Variants in GRM4 observed in about 807,000 individuals in gnomAD.
The protein encoded by GRM4 is glutamate metabotropic receptor 4, also known as metabotropic glutamate receptor 4.
A neutral mutation model predicts 81.7 loss-of-function variants in GRM4; 28 were observed. The observed-to-expected ratio is 0.34, with a 90% CI of 0.25 to 0.47. The LOEUF is 0.47. Among genes scored for constraint, GRM4 ranks in the 20% least tolerant of loss-of-function variants. The pLI, the probability that GRM4 is intolerant of heterozygous loss-of-function variation, is 1.00. For missense variants in GRM4, 948 were observed against 1,290.0 expected (o/e 0.73, Z 4.06); for synonymous variants, 488 against 528.8 (o/e 0.92, Z 1.06).
intron 4 of GRM4, chr6:34,060,232 TG>T (rs1344304321): frequency 6.6e-6 from 1 of 152,000 alleles, no homozygotes; most frequent in Admixed American, 6.5e-5. Flanking sequence ...CTCTGCTCAC[TG>T]GTGTAGCCCC....
chr6:34,104,888 G>A lies in GRM4; in HGVS notation c.520-12789C>T, dbSNP rs574493114. 3.3e-5 allele frequency among the ~76,000 whole-genome samples: 5 copies of A among 152,278 alleles called. No individual in the cohort carries two copies. The South Asian group carries it at 6.2e-4, about 19-fold the overall frequency. On this transcript the variant is annotated intron_variant, in intron 2 of 10. Transcript: ENST00000538487. ...TCCAAAAGCCCGTTCTGCAAAAGCC[G>A]ACAATCCTCACACAGGCCGTGGGAG...
Position 34,059,026 on chromosome 6 carries a change from C to T in GRM4, c.975G>A (p.Glu325=), listed in dbSNP as rs372236861. ...TCGTGACAGCACCCTCAGCCACCTCCTCCAGGTGCAGCACAGGTGCAATCT... is the reference window on the plus strand; with the variant it reads ...TCGTGACAGCACCCTCAGCCACCTCTTCCAGGTGCAGCACAGGTGCAATCT... ...GSKIAPVLHL[E]EVAEGAVTIL... Residue 325 remains glutamate (E), a synonymous_variant, in exon 5 of 11, where the codon GAG becomes GAA. Coordinates refer to ENST00000538487, the MANE Select transcript of GRM4 (RefSeq NM_000841.4). The surrounding 1 kb of genome is among the most constrained non-coding windows in gnomAD (Gnocchi z 5.7). 3 of 1,613,724 alleles carry T rather than the reference C, an allele frequency of 1.9e-6. No homozygotes were observed. The highest frequency in any genetic ancestry group is 2.2e-5 in the South Asian group (2 of 91,052).
intron 2 of GRM4, among the ~76,000 whole-genome samples, chr6:34,109,179 T>C (rs1769261137): frequency 6.6e-6 from 1 of 152,116 alleles, no homozygotes; most frequent in Non-Finnish European, 1.5e-5. Flanking sequence ...CACCAGCACA[T>C]CTGGGTCCTG....
chr6:34,102,031 A>AC, intron 2 of GRM4: 1 of 1,535,010 alleles, frequency 6.5e-7, no homozygotes, highest in Non-Finnish European at 8.7e-7. Context: ...CCTGTCCTCC[A>AC]CCCCCAAAGC....
chr6:34,082,848 C>T (rs1767676676), intron 3 of GRM4, among the ~76,000 whole-genome samples: 1 of 152,210 alleles, frequency 6.6e-6, no homozygotes, highest in Non-Finnish European at 1.5e-5. Flanking sequence ...CAGCACAACT[C>T]ATGATGGCAG....
rs1452726282 is a variant in GRM4 at position 34,022,174 on chromosome 6, T to C, written c.*647A>G. 2 of 153,912 alleles carry C rather than the reference T, an allele frequency of 1.3e-5. No individual in the cohort carries two copies. Among genetic ancestry groups the C allele is most frequent in the African/African-American group, 4.8e-5 (2 of 41,426 alleles). 9.5% of individuals were successfully genotyped at this position (153,912 alleles called of 1,614,324 possible). A position where few individuals can be genotyped will look rare whatever the true frequency, so the allele number is the denominator to read the frequency against. Reference sequence around the variant, plus strand: ...TTTTGTGTTTTGATTTTTTTTCCTTTTTTCTCTTTTGCAACATGTAAGGTT... The same window carrying C: ...TTTTGTGTTTTGATTTTTTTTCCTTCTTTCTCTTTTGCAACATGTAAGGTT... On this transcript the variant is annotated 3_prime_UTR_variant, in exon 11 of 11. Coordinates refer to ENST00000538487, the MANE Select transcript of GRM4 (RefSeq NM_000841.4). The surrounding 1 kb of genome is among the most constrained non-coding windows in gnomAD (Gnocchi z 5.6).
At chr6:34,049,838 G>C (rs201347179) in intron 6 of GRM4, among the ~76,000 whole-genome samples, 1 of 151,634 alleles carries the variant, frequency 6.6e-6, no homozygotes, top group African/African-American at 2.4e-5. Context: ...ACCACCACCC[G>C]CCCCAGGCCC....
At position 34,133,651 on chromosome 6, in the gene GRM4, C is replaced by T; in HGVS notation, c.-155G>A. 1 of 1,420,252 alleles carries T rather than the reference C, an allele frequency of 7.0e-7. No individual in the cohort carries two copies. The highest frequency in any genetic ancestry group is 9.1e-7 in the Non-Finnish European group (1 of 1,092,986). 88.0% of individuals were successfully genotyped at this position (1,420,252 alleles called of 1,614,324 possible). A position where few individuals can be genotyped will look rare whatever the true frequency, so the allele number is the denominator to read the frequency against. On this transcript the variant is annotated 5_prime_UTR_variant, in exon 2 of 11. The change creates a new upstream start codon in the 5' untranslated region. Coordinates refer to ENST00000538487, the MANE Select transcript of GRM4 (RefSeq NM_000841.4). This position sits in a 1 kb window ranked among gnomAD's most constrained non-coding sequence, Gnocchi z 6.5. ...TAGCCCATGCTGCTACCCTCTCCCACCTCCTTGTCACTCGGGCCAAGCACA... is the reference window on the plus strand; with the variant it reads ...TAGCCCATGCTGCTACCCTCTCCCATCTCCTTGTCACTCGGGCCAAGCACA...
At chr6:34,032,160 A>G (rs1207204546) in intron 9 of GRM4, among the ~76,000 whole-genome samples, 1 of 152,048 alleles carries the variant, frequency 6.6e-6, no homozygotes, top group African/African-American at 2.4e-5. Flanking sequence ...ACATCCATAC[A>G]CACACCAGCA....
chr6:34,071,359 ACAC>A (rs1189734303), intron 3 of GRM4, among the ~76,000 whole-genome samples: 1 of 82,258 alleles, frequency 1.2e-5, no homozygotes, highest in East Asian at 4.0e-4. Flanking sequence ...CACCACACAC[ACAC>A]ATCACCACAC....
chr6:34,069,206 G>A lies in GRM4; in HGVS notation c.737-7178C>T, dbSNP rs9469702. Among the ~76,000 whole-genome samples, 17,018 of 102,420 alleles carry A rather than the reference G, an allele frequency of 0.17. 1,539 individuals are homozygous for A. The highest frequency in any genetic ancestry group is 0.44 in the African/African-American group (9,463 of 21,752). 67.2% of individuals were successfully genotyped at this position (102,420 alleles called of 152,430 possible). On this transcript the variant is annotated intron_variant, in intron 3 of 10. Coordinates refer to ENST00000538487, the MANE Select transcript of GRM4 (RefSeq NM_000841.4). This position sits in a 1 kb window ranked among gnomAD's most constrained non-coding sequence, Gnocchi z 6.4. Reference sequence around the variant, plus strand: ...CACACACACACACACACACACACACGCACGCACACACGGCTCCTTCCTTCT... The same window carrying A: ...CACACACACACACACACACACACACACACGCACACACGGCTCCTTCCTTCT...
At chr6:34,143,379 A>G (rs201383552) in intron 1 of GRM4, among the ~76,000 whole-genome samples, 1 of 151,586 alleles carries the variant, frequency 6.6e-6, no homozygotes, top group Non-Finnish European at 1.5e-5. Flanking sequence ...CAAGGCTCCA[A>G]CCTCCACTCT....
At chr6:34,053,105 C>T (rs914416870) in intron 6 of GRM4, among the ~76,000 whole-genome samples, 1 of 133,870 alleles carries the variant, frequency 7.5e-6, no homozygotes, top group Non-Finnish European at 1.5e-5. Flanking sequence ...CAGCCAGCCT[C>T]CTCACACGCT....
At chr6:34,056,442 CCG>C (rs1765885366) in intron 6 of GRM4, 100 bp downstream of exon 6, 6 of 1,106,678 alleles carry the variant, frequency 5.4e-6, no homozygotes, top group Non-Finnish European at 7.7e-6. Flanking sequence ...CCACGGCCGG[CCG>C]ACGACAGACA....
At chr6:34,149,301 G>A (rs1771001129), upstream of GRM4, among the ~76,000 whole-genome samples, 1 of 152,212 alleles carries the variant, frequency 6.6e-6, no homozygotes, top group African/African-American at 2.4e-5. Context: ...AGCTGACCCA[G>A]CCATCACCTC....
At position 34,153,205 on chromosome 6, in the gene GRM4, T is replaced by G. The variant is rs139450165; in HGVS notation, c.312+1874A>C. Among the ~76,000 whole-genome samples, 891 of 152,294 alleles carry G rather than the reference T, an allele frequency of 5.9e-3. 6 individuals carry two copies. Among genetic ancestry groups the G allele is most frequent in the Middle Eastern group, 0.024 (7 of 294 alleles). On this transcript the variant is annotated intron_variant, in intron 1 of 8. Coordinates refer to the GRM4 transcript ENST00000374177. ...CAGCTCATCCCTATATCCCCACCCCTGAGCCTCTCCTCAGCCCTCCCTACC... is the reference window on the plus strand; with the variant it reads ...CAGCTCATCCCTATATCCCCACCCCGGAGCCTCTCCTCAGCCCTCCCTACC...
chr6:34,145,940 G>C, intron 1 of GRM4, 60 bp downstream of exon 1: 3 of 887,414 alleles, frequency 3.4e-6, no homozygotes, highest in African/African-American at 2.1e-5. Context: ...ACACCCCACC[G>C]GCGCCCTCTT....
At chr6:34,026,064 TAGCC>T (rs1404995364) in intron 10 of GRM4, among the ~76,000 whole-genome samples, 1 of 152,138 alleles carries the variant, frequency 6.6e-6, no homozygotes, top group Non-Finnish European at 1.5e-5. Context: ...AGATAACAAT[TAGCC>T]AGGCAGTGCT....
chr6:34,135,327 T>G (rs1419061277), intron 1 of GRM4, among the ~76,000 whole-genome samples: 10 of 152,146 alleles, frequency 6.6e-5, no homozygotes, highest in Non-Finnish European at 1.0e-4. Context: ...CATTTCACAT[T>G]TCACCCCTTC....
Sources: gnomAD v4.1 joint callset for allele counts (sites outside exome capture counted in the v4.1 genomes callset) on GRCh38, gnomAD v4.1.1 for gene constraint, Gnocchi (gnomAD v3.1) non-coding constraint, MANE v1.5 for transcripts, NCBI Gene and HGNC (gene_info 2026-07-23, HGNC 2026-07-21) for gene names.